SH3RF1: variants seen among roughly 807,000 people sequenced by gnomAD.
SH3RF1 encodes the protein SH3 domain containing ring finger 1.
A neutral mutation model predicts 74.0 loss-of-function variants in SH3RF1; 32 were observed. The ratio of observed to expected loss-of-function variants is 0.43; its 90% CI spans 0.33 to 0.58. SH3RF1 has a LOEUF of 0.58. Ranked by LOEUF, SH3RF1 falls within the 20% of genes least tolerant of loss-of-function variation. The probability of loss-of-function intolerance (pLI) is 0.05; values close to 1 mark genes in which losing one functional copy is unlikely to be tolerated. For synonymous variants in SH3RF1, 396 were observed against 439.6 expected (o/e 0.90, Z 1.24); for missense variants, 954 against 1,130.9 (o/e 0.84, Z 2.24).
At chr4:169,233,019 C>T (rs1182545898) in intron 2 of SH3RF1, among the ~76,000 whole-genome samples, 6 of 152,122 alleles carry the variant, frequency 3.9e-5, no homozygotes, top group Non-Finnish European at 8.8e-5. Context: ...GAGGCCGAGG[C>T]AGGCAGATCA....
intron 2 of SH3RF1, among the ~76,000 whole-genome samples, chr4:169,172,785 G>A (rs966539019): frequency 1.1e-4 from 17 of 152,112 alleles, no homozygotes; most frequent in African/African-American, 3.9e-4. Flanking sequence ...GGCTGCCAGC[G>A]CGGCTAGAAC....
At chr4:169,263,531 C>A (rs1002761306) in intron 2 of SH3RF1, among the ~76,000 whole-genome samples, 1 of 152,208 alleles carries the variant, frequency 6.6e-6, no homozygotes, top group African/African-American at 2.4e-5. Context: ...TTGCTTTCCA[C>A]ACCAAACCTG....
At chr4:169,240,363 A>AT (rs1730888185) in intron 2 of SH3RF1, among the ~76,000 whole-genome samples, 1 of 151,718 alleles carries the variant, frequency 6.6e-6, no homozygotes, top group Middle Eastern at 3.4e-3. Flanking sequence ...TGCCCGCCTG[A>AT]TTTTTTTAAT....
chr4:169,259,557 C>G lies in SH3RF1; in HGVS notation c.393+9263G>C, dbSNP rs542949297. 7.9e-5 allele frequency among the ~76,000 whole-genome samples: 12 copies of G among 152,232 alleles called. No homozygotes were observed. In the East Asian group the frequency reaches 2.3e-3, roughly 29 times the overall value. On this transcript the variant is annotated intron_variant, in intron 2 of 11. Transcript: ENST00000284637. ...GATTGCAGAGCCACGAAAAAGGGTG[C>G]CTGGGGCTCTGAATTTTTCTTTTTA...
At chr4:169,132,655 C>T (rs1733637171) in intron 5 of SH3RF1, among the ~76,000 whole-genome samples, 1 of 146,922 alleles carries the variant, frequency 6.8e-6, no homozygotes, top group South Asian at 2.1e-4. Flanking sequence ...GTTGTCTCCT[C>T]TGCAAGAAAG....
At chr4:169,252,270 C>T (rs1346574290) in intron 2 of SH3RF1, among the ~76,000 whole-genome samples, 1 of 152,210 alleles carries the variant, frequency 6.6e-6, no homozygotes, top group African/African-American at 2.4e-5. Context: ...CCAGATGCAA[C>T]AAACAGGACA....
intron 2 of SH3RF1, among the ~76,000 whole-genome samples, chr4:169,188,485 T>G (rs1456177865): frequency 6.6e-6 from 1 of 152,226 alleles, no homozygotes; most frequent in South Asian, 2.1e-4. Context: ...CGAAAGGCCC[T>G]GTATACAGCT....
intron 4 of SH3RF1, among the ~76,000 whole-genome samples, chr4:169,138,285 C>T (rs1253736464): frequency 6.6e-6 from 1 of 152,160 alleles, no homozygotes; most frequent in Non-Finnish European, 1.5e-5. Context: ...TGCAGTGAAC[C>T]ATGGAGGGGT....
chr4:169,156,844 A>C (rs1201416962), intron 2 of SH3RF1, among the ~76,000 whole-genome samples, 165 bp from the exon 3 acceptor site: 1 of 152,244 alleles, frequency 6.6e-6, no homozygotes, highest in Non-Finnish European at 1.5e-5. Context: ...CAATAAATAG[A>C]AAACACAAAA....
intron 4 of SH3RF1, among the ~76,000 whole-genome samples, chr4:169,150,351 C>A (rs996186014): frequency 6.6e-6 from 1 of 152,064 alleles, no homozygotes; most frequent in Non-Finnish European, 1.5e-5. Flanking sequence ...TTCTTCTTAA[C>A]ATTTTATTTT....
intron 2 of SH3RF1, among the ~76,000 whole-genome samples, chr4:169,219,744 G>C (rs1730531710): frequency 6.6e-6 from 1 of 151,968 alleles, no homozygotes; most frequent in Non-Finnish European, 1.5e-5. Context: ...TCAAACCAGG[G>C]GTTTATAAAT....
At chr4:169,154,795 A>G (rs1734026492) in intron 4 of SH3RF1, among the ~76,000 whole-genome samples, 1 of 152,200 alleles carries the variant, frequency 6.6e-6, no homozygotes, top group Non-Finnish European at 1.5e-5. Context: ...TCTTATTCCC[A>G]AAGGACATTT....
chr4:169,156,371 G>T, intron 3 of SH3RF1, 33 bp downstream of exon 3: 1 of 1,526,346 alleles, frequency 6.6e-7, no homozygotes, highest in South Asian at 1.3e-5. Flanking sequence ...AGGTAGAGCT[G>T]GCAAACAGAA....
Position 169,116,253 on chromosome 4 carries a change from G to A in SH3RF1, c.2139+16C>T, listed in dbSNP as rs764574910. ...AGTAAGTAAAGCAGAGAAACAGTAA[G>A]TAAGTATGGTCTTACTTTGCTATCC... is the stretch of plus-strand genomic sequence containing the variant. On this transcript the variant is annotated intron_variant, in intron 10 of 11. Coordinates refer to ENST00000284637, the MANE Select transcript of SH3RF1 (RefSeq NM_020870.4). The A allele has an allele frequency of 1.0e-5, 16 of 1,576,556 alleles. No individual in the cohort carries two copies. The Middle Eastern group carries it at 8.4e-4, about 83-fold the overall frequency.
chr4:169,196,575 G>A (rs1163242321), intron 2 of SH3RF1, among the ~76,000 whole-genome samples: 1 of 152,200 alleles, frequency 6.6e-6, no homozygotes, highest in Non-Finnish European at 1.5e-5. Flanking sequence ...GACTAGTACT[G>A]TAGAATCACC....
intron 4 of SH3RF1, among the ~76,000 whole-genome samples, chr4:169,149,416 G>C (rs192066671): frequency 6.6e-6 from 1 of 152,220 alleles, no homozygotes; most frequent in African/African-American, 2.4e-5. Context: ...CAAGTGGATA[G>C]CATTCAGAAG....
At chr4:169,161,372 T>C (rs1734146259) in intron 2 of SH3RF1, among the ~76,000 whole-genome samples, 2 of 152,256 alleles carry the variant, frequency 1.3e-5, no homozygotes, top group Admixed American at 1.3e-4. Flanking sequence ...AAATCATACA[T>C]ACAGGTTGTC....
chr4:169,202,558 T>C (rs546601530), intron 2 of SH3RF1, among the ~76,000 whole-genome samples: 3 of 152,310 alleles, frequency 2.0e-5, no homozygotes, highest in Non-Finnish European at 4.4e-5. Flanking sequence ...TTATAATTAG[T>C]ATTTGGGTTA....
chr4:169,178,557 TG>T (rs1041572849), intron 2 of SH3RF1, among the ~76,000 whole-genome samples: 3 of 152,114 alleles, frequency 2.0e-5, no homozygotes, highest in African/African-American at 7.2e-5. Flanking sequence ...ACAGGTACTT[TG>T]GTTCTGACAT....
Sources: allele counts gnomAD v4.1 joint callset (sites outside exome capture counted in the v4.1 genomes callset), GRCh38; gene constraint gnomAD v4.1.1; transcripts MANE v1.5; gene names NCBI Gene and HGNC (gene_info 2026-07-23, HGNC 2026-07-21).